Variants in FADS1 observed in about 807,000 individuals in gnomAD.
The protein encoded by FADS1 is fatty acid desaturase 1.
In FADS1, 17 loss-of-function variants were observed where a neutral mutation model predicts 61.6. The observed-to-expected ratio is 0.28, with a 90% CI of 0.19 to 0.41. FADS1 has a LOEUF of 0.41. Among genes scored for constraint, FADS1 ranks in the 10% least tolerant of loss-of-function variants. The probability of loss-of-function intolerance (pLI) is 1.00; values close to 1 mark genes in which losing one functional copy is unlikely to be tolerated. For missense variants in FADS1, 387 were observed against 650.9 expected, an observed-to-expected ratio of 0.59 and a Z score of 4.41; for synonymous variants, 238 against 258.7, an observed-to-expected ratio of 0.92 and a Z score of 0.77.
chr11:61,812,128 A>T, intron 3 of FADS1: 1 of 377,050 alleles, frequency 2.7e-6, no homozygotes, highest in Admixed American at 4.0e-5. Context: ...ATCATTATTA[A>T]CATATTGGGC....
In FADS1 at chr11:61,816,801, CAGGCGCGTGCTCG is replaced by C. The variant is rs2066989404; in HGVS notation, c.116_128del (p.Pro39ArgfsTer51). ...CGCGCGCCGGGCCAGCAGGGGCTGTCAGGCGCGTGCTCGGGGTCCGCGGGCTCCAGGAGTGGAT... is the reference window on the plus strand; with the variant it reads ...CGCGCGCCGGGCCAGCAGGGGCTGTCGGGTCCGCGGGCTCCAGGAGTGGAT... On this transcript the variant is annotated frameshift_variant, in exon 1 of 12. Transcript: ENST00000350997. LOFTEE classifies it high-confidence loss of function. This position sits in a 1 kb window ranked among gnomAD's most constrained non-coding sequence, Gnocchi z 7.0. 18 of 1,499,864 alleles carry C rather than the reference CAGGCGCGTGCTCG, an allele frequency of 1.2e-5. No individual in the cohort carries two copies. The highest frequency in any genetic ancestry group is 1.5e-5 in the Non-Finnish European group (17 of 1,133,934). 92.9% of individuals were successfully genotyped at this position (1,499,864 alleles called of 1,614,324 possible).
At chr11:61,804,632 C>G (rs2066881005) in intron 7 of FADS1, 53 bp downstream of exon 7, 16 of 1,498,380 alleles carry the variant, frequency 1.1e-5, no homozygotes, top group Non-Finnish European at 1.4e-5. Flanking sequence ...CCCTATCCCC[C>G]ACTCTGGGTG....
At chr11:61,811,651 G>A (rs1283952407) in intron 3 of FADS1, among the ~76,000 whole-genome samples, 1 of 151,404 alleles carries the variant, frequency 6.6e-6, no homozygotes, top group Non-Finnish European at 1.5e-5. Context: ...GTGCAATGGT[G>A]CCAACTCGGC....
rs1283492546 is a variant in FADS1, at chr11:61,816,274, G to A, written c.375+281C>T. ...CCCGCCCAGAGACCTGAGGCTCGGG[G>A]CTGCAGATGGAATGCACGGCAGGGA... is the stretch of plus-strand genomic sequence containing the variant. On this transcript the variant is annotated intron_variant, in intron 1 of 11. Coordinates refer to ENST00000350997, the MANE Select transcript of FADS1 (RefSeq NM_013402.7). The surrounding 1 kb of genome is among the most constrained non-coding windows in gnomAD (Gnocchi z 7.0). The A allele has an allele frequency of 1.9e-6, 3 of 1,598,262 alleles. No individual in the cohort carries two copies. Among genetic ancestry groups the A allele is most frequent in the Non-Finnish European group, 2.5e-6 (3 of 1,179,732 alleles).
In FADS1 at chr11:61,803,158, G is replaced by A. The variant is rs1301262388; in HGVS notation, c.1249-47C>T. On this transcript the variant is annotated intron_variant, in intron 9 of 11. Transcript: ENST00000350997. The surrounding 1 kb of genome is among the most constrained non-coding windows in gnomAD (Gnocchi z 4.3). ...GAGCATGTTGAATATCAGATGGAAA[G>A]GCCAGCCCAGCATTCTCCAGGTAAA... 6.3e-7 allele frequency: 1 copy of A among 1,574,924 alleles called. No individual in the cohort carries two copies.
At chr11:61,812,283 A>G (rs1338643130) in intron 3 of FADS1, among the ~76,000 whole-genome samples, 188 bp downstream of exon 3, 1 of 152,216 alleles carries the variant, frequency 6.6e-6, no homozygotes, top group Non-Finnish European at 1.5e-5. Flanking sequence ...AGAGAAATGA[A>G]GATGTCCATG....
chr11:61,814,021 A>AAG (rs2066952429), intron 1 of FADS1: 5 of 151,492 alleles, frequency 3.3e-5, no homozygotes, highest in African/African-American at 1.2e-4. Context: ...AACGTCCAGC[A>AAG]GCGGCAACCT....
At chr11:61,809,429 C>T (rs1367047877) in intron 5 of FADS1, among the ~76,000 whole-genome samples, 4 of 152,114 alleles carry the variant, frequency 2.6e-5, no homozygotes, top group Non-Finnish European at 1.5e-5. Context: ...GCAGCCTTCA[C>T]CTCCTGGGCT....
chr11:61,813,516 C>T lies in FADS1; in HGVS notation c.376-163G>A, dbSNP rs1003130299. On this transcript the variant is annotated intron_variant, in intron 1 of 11. Coordinates refer to ENST00000350997, the MANE Select transcript of FADS1 (RefSeq NM_013402.7). The stretch of plus-strand genomic sequence containing the variant: ...CTGGGTCGAGTGCAGACTTGGAGAA[C>T]TTTTCTGTAGCTAGAGGTTTGTAAA... 5.0e-6 allele frequency: 3 copies of T among 599,356 alleles called. No homozygotes were observed. The Admixed American group carries it at 9.1e-5, about 18-fold the overall frequency. 37.1% of individuals were successfully genotyped at this position (599,356 alleles called of 1,614,324 possible).
chr11:61,808,002 C>T (rs1316265481), intron 5 of FADS1, among the ~76,000 whole-genome samples: 1 of 152,212 alleles, frequency 6.6e-6, no homozygotes, highest in African/African-American at 2.4e-5. Context: ...TTCCCACCCT[C>T]ATGGAGCTTA....
intron 1 of FADS1, chr11:61,813,609 C>T (rs2066947633): frequency 1.8e-5 from 8 of 451,828 alleles, no homozygotes; most frequent in Non-Finnish European, 2.7e-5. Flanking sequence ...GTAAAATGGA[C>T]CAATCAGTGC....
rs750975132 is a variant in FADS1, at chr11:61,816,526, C to A, written c.375+29G>T. ...TGCACTCAGCCTCCGGTCCCGCCCT[C>A]TCCTGTGCCCCCGCCTGGCTGCGCT... On this transcript the variant is annotated intron_variant, in intron 1 of 11. Coordinates refer to ENST00000350997, the MANE Select transcript of FADS1 (RefSeq NM_013402.7). This position sits in a 1 kb window ranked among gnomAD's most constrained non-coding sequence, Gnocchi z 7.0. 53 of 1,597,112 alleles carry A rather than the reference C, an allele frequency of 3.3e-5. No homozygotes were observed. The highest frequency in any genetic ancestry group is 4.3e-5 in the Non-Finnish European group (51 of 1,173,740).
intron 6 of FADS1, chr11:61,805,841 T>C (rs1019283491): frequency 2.6e-5 from 4 of 152,250 alleles, no homozygotes; most frequent in African/African-American, 9.6e-5. Flanking sequence ...GCTCAAAGGA[T>C]GGTCCCACCT....
chr11:61,805,832 C>A (rs1436672287), intron 6 of FADS1: 2 of 152,192 alleles, frequency 1.3e-5, no homozygotes, highest in African/African-American at 4.8e-5. Context: ...AATTCCTGGG[C>A]TCAAAGGATG....
intron 6 of FADS1, 83 bp downstream of exon 6, chr11:61,806,581 A>C: frequency 7.9e-7 from 1 of 1,261,296 alleles, no homozygotes; most frequent in Non-Finnish European, 1.2e-6. Flanking sequence ...AAAATACCAT[A>C]ATCCCTTGGA....
chr11:61,802,884 A>T lies in FADS1; in HGVS notation c.1371T>A (p.Ala457=). ...TGGCACACAAGGACTGCACCAGGGG[A>T]GCCACTTTGTGGTAATTGTGTCGAG... ...TMPRHNYHKV[A]PLVQSLCAKH... The change falls in exon 11 of 12, where the codon GCT becomes GCA. Residue 457 remains alanine, a synonymous_variant. Transcript: ENST00000350997. This position sits in a 1 kb window ranked among gnomAD's most constrained non-coding sequence, Gnocchi z 4.2. 6.2e-7 allele frequency: 1 copy of T among 1,614,104 alleles called. No individual in the cohort carries two copies. Among genetic ancestry groups the T allele is most frequent in the Non-Finnish European group, 8.5e-7 (1 of 1,180,002 alleles).
chr11:61,816,500 C>T lies in FADS1; in HGVS notation c.375+55G>A. 6.3e-7 allele frequency: 1 copy of T among 1,599,618 alleles called. No individual in the cohort carries two copies. Among genetic ancestry groups the T allele is most frequent in the Non-Finnish European group, 8.5e-7 (1 of 1,176,716 alleles). Reference sequence around the variant, plus strand: ...CTCGGAGTGCGTAACTCTGTCTCCCCTGCACTCAGCCTCCGGTCCCGCCCT... The same window carrying T: ...CTCGGAGTGCGTAACTCTGTCTCCCTTGCACTCAGCCTCCGGTCCCGCCCT... On this transcript the variant is annotated intron_variant, in intron 1 of 11. Coordinates refer to ENST00000350997, the MANE Select transcript of FADS1 (RefSeq NM_013402.7). The surrounding 1 kb of genome is among the most constrained non-coding windows in gnomAD (Gnocchi z 7.0).
rs1262909397 is a variant in FADS1, at chr11:61,813,226, C to G, written c.486+17G>C. On this transcript the variant is annotated intron_variant, in intron 2 of 11. Transcript: ENST00000350997. ...TCAACAACCAATAGTTGCGACATAG[C>G]AAACACAGGGTCTTACATTCTTGGT... is the stretch of plus-strand genomic sequence containing the variant. 2.0e-6 allele frequency: 3 copies of G among 1,492,196 alleles called. No individual in the cohort carries two copies. In the South Asian group the frequency reaches 3.4e-5, roughly 17 times the overall value. The allele number at this position is 1,492,196 out of a possible 1,614,324, so 92.4% of individuals were successfully genotyped here. A position where few individuals can be genotyped will look rare whatever the true frequency, so the allele number is the denominator to read the frequency against.
At position 61,802,498 on chromosome 11, in the gene FADS1, A is replaced by T; in HGVS notation, c.1455-36T>A. On this transcript the variant is annotated intron_variant, in intron 11 of 11. Coordinates refer to ENST00000350997, the MANE Select transcript of FADS1 (RefSeq NM_013402.7). This position sits in a 1 kb window ranked among gnomAD's most constrained non-coding sequence, Gnocchi z 4.2. ...AAAATGGGGGCAGACAGTGAGGGAG[A>T]CAAGCAGAGTTGAACCCACCGGAGA... 1 of 1,549,718 alleles carries T rather than the reference A, an allele frequency of 6.5e-7. No homozygotes were observed. The highest frequency in any genetic ancestry group is 8.7e-7 in the Non-Finnish European group (1 of 1,144,214).
Sources: gnomAD v4.1 joint callset for allele counts (sites outside exome capture counted in the v4.1 genomes callset) on GRCh38, gnomAD v4.1.1 for gene constraint, Gnocchi (gnomAD v3.1) non-coding constraint, MANE v1.5 for transcripts, NCBI Gene and HGNC (gene_info 2026-07-23, HGNC 2026-07-21) for gene names.